The following ZNF292 variants were observed in gnomAD, a reference collection of about 807,000 sequenced individuals.
ZNF292 encodes zinc finger protein 292.
Under a neutral mutation model 217.9 loss-of-function variants are expected in ZNF292, and 26 were observed. That is an observed-to-expected ratio of 0.12 (90% CI 0.09 to 0.17). ZNF292 has a LOEUF of 0.17. ZNF292 is among the 10% of genes least tolerant of loss of function. The pLI is 1.00. For missense variants in ZNF292, 2,904 were observed against 3,175.2 expected, an observed-to-expected ratio of 0.91 and a Z score of 2.05; for synonymous variants, 1,257 against 1,124.1, an observed-to-expected ratio of 1.12 and a Z score of -2.37.
chr6:87,208,612 T>A (rs1772346497), intron 1 of ZNF292, among the ~76,000 whole-genome samples: 1 of 152,076 alleles, frequency 6.6e-6, no homozygotes, highest in Non-Finnish European at 1.5e-5. Context: ...TTTTTCCCCC[T>A]TGTTTTGATT....
intron 1 of ZNF292, among the ~76,000 whole-genome samples, chr6:87,212,814 A>G (rs566801072): frequency 2.6e-5 from 4 of 152,354 alleles, no homozygotes; most frequent in Admixed American, 1.3e-4. Flanking sequence ...CTAGCAGTCC[A>G]TAGTTCTCTG....
Position 87,243,556 on chromosome 6 carries a change from T to A in ZNF292, c.823T>A (p.Leu275Ile). Residue 275 changes from leucine (L) to isoleucine (I), a missense_variant, in exon 6 of 8, where the codon TTA becomes ATA. Coordinates refer to ENST00000369577, the MANE Select transcript of ZNF292 (RefSeq NM_015021.3). ...SEGDEKSALV[L>I]CTAFLSRQLQ... ...GGGTGATGAAAAAAGCGCTCTTGTT[T>A]TATGTACTGCGTTTTTGTCACGTCA... The A allele has an allele frequency of 6.4e-7, 1 of 1,560,612 alleles. No homozygotes were observed. The highest frequency in any genetic ancestry group is 8.7e-7 in the Non-Finnish European group (1 of 1,151,030).
chr6:87,159,607 A>T (rs150874045), intron 1 of ZNF292, among the ~76,000 whole-genome samples: 1 of 150,964 alleles, frequency 6.6e-6, no homozygotes, highest in Non-Finnish European at 1.5e-5. Context: ...GGTTCAAGCA[A>T]TTCTCCTGCC....
chr6:87,203,195 C>T (rs1241367620), intron 1 of ZNF292, among the ~76,000 whole-genome samples: 1 of 141,962 alleles, frequency 7.0e-6, no homozygotes, highest in Non-Finnish European at 1.5e-5. Context: ...GGCTGGAGTG[C>T]AGTGGCATGA....
intron 5 of ZNF292, among the ~76,000 whole-genome samples, chr6:87,242,044 T>C (rs1562168518): frequency 6.6e-6 from 1 of 152,242 alleles, no homozygotes; most frequent in Non-Finnish European, 1.5e-5. Flanking sequence ...TTAGTGATAA[T>C]ACCTACCTAG....
rs1303238871 is a variant in ZNF292 at position 87,197,438 on chromosome 6, TA to T, written c.169-18462del. Among the ~76,000 whole-genome samples, 360 of 128,130 alleles carry T rather than the reference TA, an allele frequency of 2.8e-3. 1 individual carries two copies. The highest frequency in any genetic ancestry group is 0.011 in the African/African-American group (349 of 32,224). 84.1% of individuals were successfully genotyped at this position (128,130 alleles called of 152,430 possible). On this transcript the variant is annotated intron_variant, in intron 1 of 7. Coordinates refer to ENST00000369577, the MANE Select transcript of ZNF292 (RefSeq NM_015021.3). Reference sequence around the variant, plus strand: ...ACATTTGGGTTTTTTTTTTTTTTTTTAAAGCATTAAGTAAGGCTGGGCACAG... The same window carrying T: ...ACATTTGGGTTTTTTTTTTTTTTTTTAAGCATTAAGTAAGGCTGGGCACAG...
In ZNF292 at chr6:87,265,107, CT is replaced by C. The variant is rs995019194; in HGVS notation, c.*3315del. 6.8e-6 allele frequency among the ~76,000 whole-genome samples: 1 copy of C among 147,492 alleles called. No individual in the cohort carries two copies. Among genetic ancestry groups the C allele is most frequent in the Non-Finnish European group, 1.5e-5 (1 of 66,914 alleles). ...GCTGTAGTTCTCTCTCTCTCTCTCT[CT>C]TTTTTTTTCTTTGTTTTTTTTGGAG... On this transcript the variant is annotated 3_prime_UTR_variant, in exon 8 of 8. Transcript: ENST00000369577.
At chr6:87,160,603 A>C (rs1449637426) in intron 1 of ZNF292, among the ~76,000 whole-genome samples, 1 of 151,850 alleles carries the variant, frequency 6.6e-6, no homozygotes, top group East Asian at 1.9e-4. Context: ...GTGTATATAT[A>C]CATATATACG....
At chr6:87,173,181 TTTA>T (rs1403261120) in intron 1 of ZNF292, among the ~76,000 whole-genome samples, 2 of 135,062 alleles carry the variant, frequency 1.5e-5, no homozygotes, top group East Asian at 4.4e-4. Context: ...TCCAGATTAA[TTTA>T]TTGTCAGTTT....
Position 87,260,348 on chromosome 6 carries a change from A to G in ZNF292, c.6719A>G (p.Asp2240Gly). ...YLNYVVHLEA[D>G]HGIGLRASKT... is the part of the protein sequence containing the mutation. ...AACTATGTTGTTCATCTAGAGGCAG[A>G]CCACGGGATTGGACTAAGGGCAAGT... The change falls in exon 8 of 8, where the codon GAC becomes GGC. Residue 2240 changes from aspartate (D) to glycine (G), a missense_variant. By Grantham distance (94) the Asp-to-Gly change is moderately conservative. Coordinates refer to ENST00000369577, the MANE Select transcript of ZNF292 (RefSeq NM_015021.3). 6.2e-7 allele frequency: 1 copy of G among 1,613,406 alleles called. No homozygotes were observed. Among genetic ancestry groups the G allele is most frequent in the Non-Finnish European group, 8.5e-7 (1 of 1,179,480 alleles).
At chr6:87,254,349 G>A (rs1775090911) in intron 7 of ZNF292, among the ~76,000 whole-genome samples, 1 of 152,102 alleles carries the variant, frequency 6.6e-6, no homozygotes, top group Non-Finnish European at 1.5e-5. Context: ...TTTGACCTCT[G>A]TTTTATAAGT....
chr6:87,159,864 GC>G (rs1449235170), intron 1 of ZNF292, among the ~76,000 whole-genome samples: 2 of 152,146 alleles, frequency 1.3e-5, no homozygotes, highest in African/African-American at 4.8e-5. Flanking sequence ...TTCAAAGTTA[GC>G]TTTAATATGG....
At chr6:87,230,466 G>GC (rs1159503535) in intron 4 of ZNF292, among the ~76,000 whole-genome samples, 1 of 152,116 alleles carries the variant, frequency 6.6e-6, no homozygotes, top group Non-Finnish European at 1.5e-5. Flanking sequence ...CGGCGTGGGG[G>GC]CTCACACCTG....
At chr6:87,246,296 G>T (rs971656486) in intron 7 of ZNF292, among the ~76,000 whole-genome samples, 1 of 152,152 alleles carries the variant, frequency 6.6e-6, no homozygotes, top group African/African-American at 2.4e-5. Flanking sequence ...ATAGTGCTAG[G>T]TTCCTCTGCT....
intron 5 of ZNF292, among the ~76,000 whole-genome samples, chr6:87,241,607 A>AT (rs1304332857): frequency 1.3e-5 from 2 of 152,028 alleles, no homozygotes; most frequent in Non-Finnish European, 2.9e-5. Context: ...TTTAGTAGAG[A>AT]TGGGATTTCA....
In ZNF292 at chr6:87,265,594, G is replaced by A. The variant is rs918310168; in HGVS notation, c.*3793G>A. Among the ~76,000 whole-genome samples, 10 of 152,076 alleles carry A rather than the reference G, an allele frequency of 6.6e-5. No homozygotes were observed. Among genetic ancestry groups the A allele is most frequent in the African/African-American group, 2.4e-4 (10 of 41,402 alleles). On this transcript the variant is annotated 3_prime_UTR_variant, in exon 8 of 8. Coordinates refer to ENST00000369577, the MANE Select transcript of ZNF292 (RefSeq NM_015021.3). ...CTGTAAATATGTAAAAAGTTGAAAG[G>A]GAATTTTCCAGACTTAATTGACCCT...
At chr6:87,165,797 C>A (rs1770893437) in intron 1 of ZNF292, among the ~76,000 whole-genome samples, 1 of 129,192 alleles carries the variant, frequency 7.7e-6, no homozygotes, top group Non-Finnish European at 1.6e-5. Context: ...TCGCTCTTGT[C>A]TCCCAGGCTG....
chr6:87,207,584 C>A (rs976728456), intron 1 of ZNF292, among the ~76,000 whole-genome samples: 3 of 152,028 alleles, frequency 2.0e-5, no homozygotes, highest in Non-Finnish European at 4.4e-5. Flanking sequence ...GTCTACGTGG[C>A]CTAGTTTGTG....
chr6:87,216,311 A>G lies in ZNF292; in HGVS notation c.336A>G (p.Glu112=), dbSNP rs188101722. The G allele has an allele frequency of 7.6e-6, 12 of 1,580,260 alleles. No homozygotes were observed. In the African/African-American group the frequency reaches 1.5e-4, roughly 19 times the overall value. The change falls in exon 3 of 8, where the codon GAA becomes GAG. Residue 112 remains glutamate, a synonymous_variant. Coordinates refer to ENST00000369577, the MANE Select transcript of ZNF292 (RefSeq NM_015021.3). ...VLERLALSCV[E]LLLCLPVELS... The stretch of plus-strand genomic sequence containing the variant: ...TTTTGTTTTTTAGAAGCTGTGTTGA[A>G]CTTTTACTGTGTCTGCCTGTTGAGT...
Sources: allele counts gnomAD v4.1 joint callset (sites outside exome capture counted in the v4.1 genomes callset), GRCh38; gene constraint gnomAD v4.1.1; transcripts MANE v1.5; gene names NCBI Gene and HGNC (gene_info 2026-07-23, HGNC 2026-07-21).